Variants in CCNI observed in about 807,000 individuals in gnomAD.
CCNI encodes cyclin-I.
A neutral mutation model predicts 34.1 loss-of-function variants in CCNI; 14 were observed. The observed-to-expected ratio is 0.41, with a 90% CI of 0.27 to 0.64. CCNI has a LOEUF of 0.64. Ranked by LOEUF, CCNI falls within the 30% of genes least tolerant of loss-of-function variation. The pLI is 0.31. For synonymous variants in CCNI, 154 were observed against 158.4 expected (o/e 0.97, Z 0.21); for missense variants, 385 against 440.5 (o/e 0.87, Z 1.13).
At chr4:77,071,827 A>C (rs1729487495) in intron 1 of CCNI, among the ~76,000 whole-genome samples, 1 of 152,190 alleles carries the variant, frequency 6.6e-6, no homozygotes, top group Non-Finnish European at 1.5e-5. Context: ...ATTCCAAAAA[A>C]ACAAAAACAG....
At chr4:77,050,738 T>C (rs1329843679) in intron 6 of CCNI, among the ~76,000 whole-genome samples, 1 of 152,054 alleles carries the variant, frequency 6.6e-6, no homozygotes, top group Non-Finnish European at 1.5e-5. Flanking sequence ...GGCTAGGTCT[T>C]ATTATATATC....
At chr4:77,060,545 C>A (rs1728534766) in intron 2 of CCNI, among the ~76,000 whole-genome samples, 1 of 151,998 alleles carries the variant, frequency 6.6e-6, no homozygotes, top group Non-Finnish European at 1.5e-5. Context: ...GCAGCCTCGA[C>A]CTCCCAGCCC....
At chr4:77,053,241 G>A (rs928204385) in intron 6 of CCNI, among the ~76,000 whole-genome samples, 2 of 152,102 alleles carry the variant, frequency 1.3e-5, no homozygotes, top group African/African-American at 4.8e-5. Context: ...AACAAATTAT[G>A]AAAACCACTG....
intron 6 of CCNI, among the ~76,000 whole-genome samples, chr4:77,051,680 A>C (rs997813038): frequency 1.7e-4 from 26 of 152,374 alleles, no homozygotes; most frequent in African/African-American, 6.0e-4. Flanking sequence ...CCAGTGGAAG[A>C]AACAAAACAA....
chr4:77,054,824 G>A (rs1268652595), intron 6 of CCNI, among the ~76,000 whole-genome samples: 1 of 152,026 alleles, frequency 6.6e-6, no homozygotes, highest in Non-Finnish European at 1.5e-5. Context: ...AAGTAAAGAA[G>A]TACTACATTA....
rs1729924516 is a variant in CCNI at position 77,075,859 on chromosome 4, G to A, written c.-431C>T. ...TGCCCGGGGAAAGCGCCTCCGAGGGGAAATGGTGAAAGGGGGGGAGGGGAG... is the reference window on the plus strand; with the variant it reads ...TGCCCGGGGAAAGCGCCTCCGAGGGAAAATGGTGAAAGGGGGGGAGGGGAG... On this transcript the variant is annotated 5_prime_UTR_variant, in exon 1 of 7. Coordinates refer to ENST00000237654, the MANE Select transcript of CCNI (RefSeq NM_006835.3). 1 of 146,920 alleles carries A rather than the reference G, an allele frequency of 6.8e-6. No individual in the cohort carries two copies. The highest frequency in any genetic ancestry group is 2.5e-5 in the African/African-American group (1 of 39,776). The allele number at this position is 146,920 out of a possible 1,614,324, so 9.1% of individuals were successfully genotyped here.
intron 6 of CCNI, among the ~76,000 whole-genome samples, chr4:77,048,978 T>TG (rs1727650566): frequency 6.8e-6 from 1 of 146,026 alleles, no homozygotes; most frequent in African/African-American, 2.5e-5. Context: ...TTTTTTTTTT[T>TG]TTTTTTTTTT....
In CCNI at chr4:77,058,544, G is replaced by C; in HGVS notation, c.206C>G (p.Ala69Gly). Reference sequence around the variant, plus strand: ...TAAAAACCTATCCAAAAGACTGCTAGCCAGAGCAAATGTTTCTGGGTAAAG... The same window carrying C: ...TAAAAACCTATCCAAAAGACTGCTACCCAGAGCAAATGTTTCTGGGTAAAG... ...FNLYPETFAL[A>G]SSLLDRFLAT... Residue 69 changes from alanine to glycine, a missense_variant, in exon 3 of 7, where the codon GCT becomes GGT. Physicochemically the swap from Ala to Gly is moderately conservative, Grantham distance 60. This residue lies in a region of CCNI where 135 missense variants were observed against 191.8 expected (regional missense o/e 0.70). Coordinates refer to ENST00000237654, the MANE Select transcript of CCNI (RefSeq NM_006835.3). 1 of 1,613,202 alleles carries C rather than the reference G, an allele frequency of 6.2e-7. No homozygotes were observed. Among genetic ancestry groups the C allele is most frequent in the East Asian group, 2.2e-5 (1 of 44,822 alleles).
chr4:77,073,674 T>A (rs1296845095), intron 1 of CCNI, among the ~76,000 whole-genome samples: 1 of 152,250 alleles, frequency 6.6e-6, no homozygotes, highest in African/African-American at 2.4e-5. Context: ...CTCTAGCTCA[T>A]ACTTCCCTTC....
chr4:77,065,029 T>C (rs1464860387), intron 2 of CCNI: 1 of 152,226 alleles, frequency 6.6e-6, no homozygotes, highest in Non-Finnish European at 1.5e-5. Flanking sequence ...TTGGGACTAC[T>C]GAGTACTTTT....
Position 77,064,574 on chromosome 4 carries a change from T to TGCGC in CCNI, c.114+1671_114+1674dup, listed in dbSNP as rs771843830. ...TCCCAACTAATCTAAAAATCACACA[T>TGCGC]GCGCGCGCGCGCACACACACACACA... is the stretch of plus-strand genomic sequence containing the variant. On this transcript the variant is annotated intron_variant, in intron 2 of 6. Coordinates refer to ENST00000237654, the MANE Select transcript of CCNI (RefSeq NM_006835.3). 363 of 128,976 alleles carry TGCGC rather than the reference T, an allele frequency of 2.8e-3. 3 individuals carry two copies. Among genetic ancestry groups the TGCGC allele is most frequent in the Admixed American group, 4.7e-3 (63 of 13,466 alleles). The allele number at this position is 128,976 out of a possible 1,614,324, so 8.0% of individuals were successfully genotyped here.
intron 3 of CCNI, 62 bp from the exon 4 acceptor site, chr4:77,056,385 G>C: frequency 7.8e-7 from 1 of 1,285,552 alleles, no homozygotes; most frequent in Non-Finnish European, 1.1e-6. Context: ...TTAACTTTTT[G>C]TAACTGTTTT....
chr4:77,048,320 T>A lies in CCNI; in HGVS notation c.1033A>T (p.Asn345Tyr). ...ACAGAACCCACATTTTCTGAGACAT[T>A]ATCTTCATTATAGAGCCGTTTGATT... ...DGIKRLYNED[N>Y]VSENVGSVCG... The change falls in exon 7 of 7, where the codon AAT (asparagine) becomes TAT (tyrosine). Residue 345 changes from asparagine (N) to tyrosine (Y), a missense_variant. Asn to Tyr is a moderately radical substitution (Grantham distance 143, BLOSUM62 -2). Transcript: ENST00000237654. 1 of 1,614,124 alleles carries A rather than the reference T, an allele frequency of 6.2e-7. No homozygotes were observed. Among genetic ancestry groups the A allele is most frequent in the South Asian group, 1.1e-5 (1 of 91,078 alleles).
intron 1 of CCNI, among the ~76,000 whole-genome samples, chr4:77,072,652 A>AG (rs1222766759): frequency 5.2e-4 from 78 of 150,128 alleles, no homozygotes; most frequent in Admixed American, 6.0e-4. Flanking sequence ...AAAAAAAAAA[A>AG]AAAAAAAAAG....
intron 1 of CCNI, among the ~76,000 whole-genome samples, chr4:77,072,653 A>AG (rs990658272): frequency 2.0e-5 from 3 of 149,580 alleles, no homozygotes; most frequent in African/African-American, 4.9e-5. Flanking sequence ...AAAAAAAAAA[A>AG]AAAAAAAAGA....
At chr4:77,074,291 A>T (rs979552759) in intron 1 of CCNI, among the ~76,000 whole-genome samples, 7 of 152,160 alleles carry the variant, frequency 4.6e-5, no homozygotes, top group African/African-American at 1.7e-4. Context: ...GTATCAAGAA[A>T]TTTCTAGTAG....
At chr4:77,056,496 A>G (rs1728239175) in intron 3 of CCNI, 173 bp from the exon 4 acceptor site, 1 of 588,918 alleles carries the variant, frequency 1.7e-6, no homozygotes, top group Non-Finnish European at 3.1e-6. Flanking sequence ...GCTAACTTTA[A>G]GAACAGGAAA....
chr4:77,056,586 CTTTTTTT>C lies in CCNI; in HGVS notation c.244-270_244-264del, dbSNP rs35437385. ...CAAGATCAAGTGTGTCTAGAGCTAA[CTTTTTTT>C]TTTTTTTTTTTTTTGAGACGGAGTC... On this transcript the variant is annotated intron_variant, in intron 3 of 6. Coordinates refer to ENST00000237654, the MANE Select transcript of CCNI (RefSeq NM_006835.3). The C allele has an allele frequency of 9.4e-3, 1,515 of 161,422 alleles. 21 individuals are homozygous for C. In the East Asian group the frequency reaches 0.11, roughly 11 times the overall value. 10.0% of individuals were successfully genotyped at this position (161,422 alleles called of 1,614,324 possible).
intron 6 of CCNI, among the ~76,000 whole-genome samples, chr4:77,049,494 T>A (rs1428218610): frequency 2.6e-5 from 4 of 152,122 alleles, no homozygotes; most frequent in African/African-American, 4.8e-5. Context: ...CTGGCCAACA[T>A]GGCGAAACCC....
Sources: gnomAD v4.1 joint callset for allele counts (sites outside exome capture counted in the v4.1 genomes callset) on GRCh38, gnomAD v4.1.1 for gene constraint, gnomAD v4.1.1 regional missense constraint, MANE v1.5 for transcripts, NCBI Gene and HGNC (gene_info 2026-07-23, HGNC 2026-07-21) for gene names.